Variants in H2BN1 observed in about 807,000 individuals in gnomAD.
H2BN1 encodes the protein H2B.N variant histone 1, also known as histone H2B.N.
chr17:32,902,350 T>C, the H2BN1 span, among the ~76,000 whole-genome samples: 1 of 152,172 alleles, frequency 6.6e-6, no homozygotes, highest in Non-Finnish European at 1.5e-5. Context: ...CTTGTTTATT[T>C]TGGGGTGTGG....
chr17:32,901,105 G>A, the H2BN1 span, among the ~76,000 whole-genome samples: 2 of 152,058 alleles, frequency 1.3e-5, no homozygotes, highest in African/African-American at 4.8e-5. Flanking sequence ...TTACTTGGGA[G>A]GCTGAGGCAG....
At chr17:32,903,930 C>T in the H2BN1 span, among the ~76,000 whole-genome samples, 1 of 152,272 alleles carries the variant, frequency 6.6e-6, no homozygotes, top group South Asian at 2.1e-4. Context: ...CTGCTTGTGG[C>T]CAGACTCCAC....
chr17:32,903,054 T>A, the H2BN1 span, among the ~76,000 whole-genome samples: 1 of 152,114 alleles, frequency 6.6e-6, no homozygotes, highest in South Asian at 2.1e-4. Flanking sequence ...GTTAATTTAT[T>A]AAAGATTTTA....
the H2BN1 span, among the ~76,000 whole-genome samples, chr17:32,896,358 C>T: frequency 6.6e-6 from 1 of 152,194 alleles, no homozygotes; most frequent in Non-Finnish European, 1.5e-5. Context: ...GAGGGGTAGG[C>T]ACCCTGGTTC....
chr17:32,895,994 C>T, the H2BN1 span, among the ~76,000 whole-genome samples: 6 of 152,162 alleles, frequency 3.9e-5, no homozygotes, highest in African/African-American at 1.4e-4. Flanking sequence ...ATCTCCTGGG[C>T]TCAAATGATT....
At chr17:32,905,399 C>G in the H2BN1 span, among the ~76,000 whole-genome samples, 7 of 152,148 alleles carry the variant, frequency 4.6e-5, no homozygotes, top group Non-Finnish European at 8.8e-5. Flanking sequence ...GTACCAAGCA[C>G]CGACAAGAGA....
chr17:32,899,227 A>C, the H2BN1 span, among the ~76,000 whole-genome samples: 3 of 152,248 alleles, frequency 2.0e-5, no homozygotes, highest in Admixed American at 6.5e-5. Flanking sequence ...AAATTTTTTA[A>C]CATAGGCTTT....
the H2BN1 span, among the ~76,000 whole-genome samples, chr17:32,897,394 C>CACACACACACACAG: frequency 1.4e-5 from 2 of 143,190 alleles, no homozygotes; most frequent in African/African-American, 2.7e-5. Context: ...CACACACACA[C>CACACACACACACAG]AGCAACAAGA....
chr17:32,900,502 A>G, the H2BN1 span, among the ~76,000 whole-genome samples: 1 of 152,232 alleles, frequency 6.6e-6, no homozygotes, highest in Non-Finnish European at 1.5e-5. Context: ...GATTTCAAAA[A>G]AAGGCAAAAA....
At chr17:32,896,864 A>G in the H2BN1 span, among the ~76,000 whole-genome samples, 3 of 152,168 alleles carry the variant, frequency 2.0e-5, no homozygotes, top group Admixed American at 2.0e-4. Context: ...TCTGGAGGGC[A>G]AGATTACCCC....
the H2BN1 span, among the ~76,000 whole-genome samples, chr17:32,900,482 A>G: frequency 1.1e-4 from 17 of 152,364 alleles, 1 homozygote; most frequent in East Asian, 3.3e-3. Context: ...GACCAAAGTG[A>G]TAACTCAAGG....
the H2BN1 span, among the ~76,000 whole-genome samples, chr17:32,902,111 C>T: frequency 3.7e-5 from 5 of 136,424 alleles, no homozygotes; most frequent in South Asian, 4.8e-4. Flanking sequence ...GCTTTCTTAC[C>T]GAAAAAAAAA....
the H2BN1 span, among the ~76,000 whole-genome samples, chr17:32,902,567 G>T: frequency 1.3e-5 from 2 of 152,200 alleles, no homozygotes; most frequent in African/African-American, 4.8e-5. Context: ...TTGGCTGGGT[G>T]CAGTGGCTCA....
the H2BN1 span, among the ~76,000 whole-genome samples, chr17:32,898,588 G>T: frequency 1.3e-5 from 2 of 152,200 alleles, no homozygotes; most frequent in African/African-American, 4.8e-5. Flanking sequence ...ATCTTTTGGA[G>T]AAAACATTTT....
At chr17:32,904,862 T>A in the H2BN1 span, among the ~76,000 whole-genome samples, 1 of 152,176 alleles carries the variant, frequency 6.6e-6, no homozygotes, top group Non-Finnish European at 1.5e-5. Flanking sequence ...GAGGTTTTGT[T>A]ACCCATAATT....
the H2BN1 span, chr17:32,906,237 G>T: frequency 2.0e-5 from 3 of 152,104 alleles, no homozygotes; most frequent in Non-Finnish European, 4.4e-5. Context: ...TATGCACTAG[G>T]TGCCCTCAAT....
At chr17:32,900,805 T>C in the H2BN1 span, among the ~76,000 whole-genome samples, 3 of 152,042 alleles carry the variant, frequency 2.0e-5, no homozygotes, top group Non-Finnish European at 4.4e-5. Flanking sequence ...ATGGTCTCGA[T>C]CTCCTGACAT....
chr17:32,901,815 A>G, the H2BN1 span, among the ~76,000 whole-genome samples: 2 of 152,232 alleles, frequency 1.3e-5, no homozygotes, highest in Non-Finnish European at 2.9e-5. Flanking sequence ...GAGTAAGTCA[A>G]TCCCTTAAGA....
chr17:32,906,359 C>T, the H2BN1 span: 1 of 152,194 alleles, frequency 6.6e-6, no homozygotes, highest in Non-Finnish European at 1.5e-5. Flanking sequence ...GAGATCTTCT[C>T]AGAAGAGCTT....
Sources: allele counts gnomAD v4.1 joint callset (sites outside exome capture counted in the v4.1 genomes callset), GRCh38; gene constraint gnomAD v4.1.1; transcripts MANE v1.5; gene names NCBI Gene and HGNC (gene_info 2026-07-23, HGNC 2026-07-21).